The following MAML3 variants were observed in gnomAD, a reference collection of about 807,000 sequenced individuals.
MAML3 encodes mastermind-like protein 3.
A neutral mutation model predicts 101.9 loss-of-function variants in MAML3; 27 were observed. That is an observed-to-expected ratio of 0.27 (90% CI 0.20 to 0.37). The LOEUF (loss-of-function observed/expected upper bound fraction) is 0.37, where lower values mean the gene tolerates loss of function less well. Among genes scored for constraint, MAML3 ranks in the 10% least tolerant of loss-of-function variants. The probability of loss-of-function intolerance (pLI) is 1.00; values close to 1 mark genes in which losing one functional copy is unlikely to be tolerated. For missense variants in MAML3, 1,316 were observed against 1,444.9 expected, an observed-to-expected ratio of 0.91 and a Z score of 1.45; for synonymous variants, 501 against 555.9, an observed-to-expected ratio of 0.90 and a Z score of 1.39.
chr4:139,770,160 G>T (rs1163812711), intron 2 of MAML3, among the ~76,000 whole-genome samples: 1 of 152,046 alleles, frequency 6.6e-6, no homozygotes, highest in African/African-American at 2.4e-5. Flanking sequence ...TCAATCTTCT[G>T]GGCTCCAGCG....
intron 1 of MAML3, among the ~76,000 whole-genome samples, chr4:140,061,449 G>A (rs1727447246): frequency 1.3e-5 from 2 of 152,178 alleles, no homozygotes; most frequent in South Asian, 2.1e-4. Flanking sequence ...ACAAAATGCT[G>A]TTCTTAGAAG....
At chr4:140,140,071 C>A (rs1030173887) in intron 1 of MAML3, among the ~76,000 whole-genome samples, 1 of 152,194 alleles carries the variant, frequency 6.6e-6, no homozygotes, top group African/African-American at 2.4e-5. Context: ...CGCCTATAAT[C>A]CCAGCACTTT....
intron 2 of MAML3, among the ~76,000 whole-genome samples, chr4:139,832,014 C>G (rs1276761731): frequency 6.7e-6 from 1 of 150,308 alleles, no homozygotes; most frequent in African/African-American, 2.4e-5. Flanking sequence ...AGGATGGTCT[C>G]GATCTCCTGA....
intron 1 of MAML3, among the ~76,000 whole-genome samples, chr4:139,916,702 T>C (rs757419625): frequency 3.6e-4 from 55 of 152,236 alleles, no homozygotes; most frequent in Non-Finnish European, 6.2e-4. Context: ...TTTCTATTTT[T>C]CTTTATTAAT....
chr4:139,911,234 T>C (rs1732914299), intron 1 of MAML3, among the ~76,000 whole-genome samples: 1 of 152,076 alleles, frequency 6.6e-6, no homozygotes, highest in African/African-American at 2.4e-5. Context: ...TTTTTTTTTT[T>C]TGCGATGGAG....
chr4:139,838,274 T>C (rs1731295400), intron 2 of MAML3, among the ~76,000 whole-genome samples: 1 of 152,202 alleles, frequency 6.6e-6, no homozygotes, highest in Non-Finnish European at 1.5e-5. Context: ...GGATCTACAG[T>C]TAATTTTCGA....
chr4:139,979,102 AC>A (rs199978232), intron 1 of MAML3, among the ~76,000 whole-genome samples: 1,659 of 152,294 alleles, frequency 0.011, 37 homozygotes, highest in African/African-American at 0.038. Flanking sequence ...TAGGTGTTAC[AC>A]CTGCATTATC....
intron 1 of MAML3, among the ~76,000 whole-genome samples, chr4:139,983,374 C>G (rs532561134): frequency 1.1e-4 from 17 of 152,186 alleles, no homozygotes; most frequent in South Asian, 8.3e-4. Flanking sequence ...CTTTTCAGAC[C>G]AGCTAGAATA....
chr4:139,995,331 C>T (rs1393691436), intron 1 of MAML3, among the ~76,000 whole-genome samples: 1 of 152,152 alleles, frequency 6.6e-6, no homozygotes, highest in Non-Finnish European at 1.5e-5. Context: ...CATCTATGCT[C>T]ATGAGGACAT....
At chr4:139,740,267 C>T (rs1028143595) in intron 2 of MAML3, 3 of 152,194 alleles carry the variant, frequency 2.0e-5, no homozygotes, top group Admixed American at 6.5e-5. Context: ...TTCAAGAACT[C>T]GAGAGGTGGG....
At chr4:140,070,476 C>T (rs1391453517) in intron 1 of MAML3, among the ~76,000 whole-genome samples, 1 of 152,130 alleles carries the variant, frequency 6.6e-6, no homozygotes, top group Admixed American at 6.6e-5. Context: ...GTAGAACACA[C>T]TCTAGAAGAA....
At chr4:139,984,122 TG>T (rs1734494260) in intron 1 of MAML3, among the ~76,000 whole-genome samples, 2 of 151,990 alleles carry the variant, frequency 1.3e-5, no homozygotes, top group Non-Finnish European at 2.9e-5. Context: ...AGTCAGGAAG[TG>T]GGGGCCAGAA....
intron 3 of MAML3, among the ~76,000 whole-genome samples, chr4:139,726,459 T>C (rs1266031541): frequency 6.6e-6 from 1 of 152,208 alleles, no homozygotes; most frequent in African/African-American, 2.4e-5. Context: ...TGCTGGCTCA[T>C]GAGGAATGCG....
chr4:140,020,760 G>A (rs1300583179), intron 1 of MAML3, among the ~76,000 whole-genome samples: 1 of 152,130 alleles, frequency 6.6e-6, no homozygotes, highest in Non-Finnish European at 1.5e-5. Flanking sequence ...CAGTGAAATT[G>A]CAAAACTTGC....
intron 2 of MAML3, among the ~76,000 whole-genome samples, chr4:139,759,848 G>T (rs776792754): frequency 6.6e-6 from 1 of 152,200 alleles, no homozygotes; most frequent in Non-Finnish European, 1.5e-5. Flanking sequence ...TTTCACACAG[G>T]GGGTAAAGGC....
intron 2 of MAML3, among the ~76,000 whole-genome samples, chr4:139,777,085 G>A (rs1730109881): frequency 6.6e-6 from 1 of 152,146 alleles, no homozygotes. Flanking sequence ...GGGGGAGGAA[G>A]AACTGACAAA....
In MAML3 at chr4:139,785,881, A is replaced by G. The variant is rs1290356287; in HGVS notation, c.2080-55214T>C. ...TAGCGGCCTGCCACATGGTCTAGGG[A>G]AAGTAATTAAATCTTGAATTTTAAG... On this transcript the variant is annotated intron_variant, in intron 2 of 4. Transcript: ENST00000509479. This position sits in a 1 kb window ranked among gnomAD's most constrained non-coding sequence, Gnocchi z 4.3. 6.6e-6 allele frequency among the ~76,000 whole-genome samples: 1 copy of G among 152,078 alleles called. No homozygotes were observed. Among genetic ancestry groups the G allele is most frequent in the Non-Finnish European group, 1.5e-5 (1 of 68,010 alleles).
chr4:140,061,628 T>G (rs1727449434), intron 1 of MAML3, among the ~76,000 whole-genome samples: 1 of 152,198 alleles, frequency 6.6e-6, no homozygotes, highest in East Asian at 1.9e-4. Flanking sequence ...AACCTAGACA[T>G]AGTTTTCACC....
chr4:139,791,099 C>T (rs1730400893), intron 2 of MAML3, among the ~76,000 whole-genome samples: 2 of 152,256 alleles, frequency 1.3e-5, no homozygotes, highest in South Asian at 4.1e-4. Context: ...ATCTTTTAAA[C>T]TCTTAATATG....
Sources: gnomAD v4.1 joint callset for allele counts (sites outside exome capture counted in the v4.1 genomes callset) on GRCh38, gnomAD v4.1.1 for gene constraint, Gnocchi (gnomAD v3.1) non-coding constraint, MANE v1.5 for transcripts, NCBI Gene and HGNC (gene_info 2026-07-23, HGNC 2026-07-21) for gene names.